The following MESD variants were observed in gnomAD, a reference collection of about 807,000 sequenced individuals.
MESD encodes LRP chaperone MESD.
Under a neutral mutation model 12.9 loss-of-function variants are expected in MESD, and 7 were observed. The ratio of observed to expected loss-of-function variants is 0.54; its 90% confidence interval spans 0.31 to 1.02. The LOEUF (loss-of-function observed/expected upper bound fraction) is 1.02. Among genes scored for constraint, MESD ranks in the 50% least tolerant of loss-of-function variants. MESD has a pLI of 0.05. For missense variants in MESD, 342 were observed against 296.7 expected (o/e 1.15, Z -1.12); for synonymous variants, 126 against 115.6 (o/e 1.09, Z -0.58).
chr15:80,952,317 G>A, intron 3 of MESD: 1 of 440,086 alleles, frequency 2.3e-6, no homozygotes, highest in Admixed American at 2.4e-5. Flanking sequence ...GAGAGTGAGA[G>A]GCAGAGGTTA....
chr15:80,948,715 GGC>G, exon 5 of MESD: 1 of 1,591,290 alleles, frequency 6.3e-7, no homozygotes, highest in Non-Finnish European at 8.6e-7. Flanking sequence ...GTGGGGGGCT[GGC>G]GATGGGGAGC....
intron 3 of MESD, among the ~76,000 whole-genome samples, chr15:80,962,275 C>A (rs1029141897): frequency 6.6e-6 from 1 of 152,142 alleles, no homozygotes. Context: ...GGAATCAATT[C>A]AACAAGAAGA....
intron 4 of MESD, chr15:80,949,456 G>C (rs1901724353): frequency 5.3e-6 from 1 of 189,278 alleles, no homozygotes; most frequent in Admixed American, 5.3e-5. Context: ...GCTATCCTTG[G>C]GGAAGAGGCA....
chr15:80,983,067 T>G (rs990701341), intron 1 of MESD, among the ~76,000 whole-genome samples: 8 of 151,752 alleles, frequency 5.3e-5, no homozygotes, highest in African/African-American at 1.9e-4. Flanking sequence ...CATAGTGAGA[T>G]CCCATCTCTT....
rs959427661 is a variant in MESD, at chr15:80,976,861, C to T, written c.*2358G>A. On this transcript the variant is annotated 3_prime_UTR_variant, in exon 3 of 3. Coordinates refer to ENST00000261758, the MANE Select transcript of MESD (RefSeq NM_015154.3). ...CAGTGAAACAGTGGTTCAAACCTCACCATCACCCTGCTGATGTAGGACACC... is the reference window on the plus strand; with the variant it reads ...CAGTGAAACAGTGGTTCAAACCTCATCATCACCCTGCTGATGTAGGACACC... 6.6e-6 allele frequency: 1 copy of T among 152,286 alleles called. No homozygotes were observed. The highest frequency in any genetic ancestry group is 1.5e-5 in the Non-Finnish European group (1 of 68,086). The allele number at this position is 152,286 out of a possible 1,614,324, so 9.4% of individuals were successfully genotyped here.
intron 3 of MESD, among the ~76,000 whole-genome samples, chr15:80,967,531 A>G (rs924190638): frequency 5.3e-5 from 8 of 152,196 alleles, no homozygotes; most frequent in Non-Finnish European, 1.0e-4. Context: ...AGGGAAAGCA[A>G]GTATGGCACT....
chr15:80,968,519 G>A (rs1199120320), intron 3 of MESD, among the ~76,000 whole-genome samples: 3 of 152,158 alleles, frequency 2.0e-5, no homozygotes, highest in Non-Finnish European at 4.4e-5. Flanking sequence ...AACATGTACT[G>A]AAAGCTCTGT....
rs543863971 is a variant in MESD at position 80,987,638 on chromosome 15, G to C, written c.213+1941C>G. Among the ~76,000 whole-genome samples the C allele has an allele frequency of 6.8e-4, 103 of 152,094 alleles. 1 individual carries two copies. The South Asian group carries it at 0.012, about 18-fold the overall frequency. ...CAAGTAGCTGGGATTACAGGTGCCC[G>C]CCACCATGCCCAACTAATTTTTTTA... On this transcript the variant is annotated intron_variant, in intron 1 of 2. Coordinates refer to ENST00000261758, the MANE Select transcript of MESD (RefSeq NM_015154.3).
chr15:80,984,755 T>A (rs750856713), intron 1 of MESD, among the ~76,000 whole-genome samples: 1 of 152,098 alleles, frequency 6.6e-6, no homozygotes, highest in Non-Finnish European at 1.5e-5. Flanking sequence ...GTGAATTGAA[T>A]CTCAATAAAC....
intron 1 of MESD, among the ~76,000 whole-genome samples, chr15:80,988,841 G>A (rs1279237850): frequency 6.6e-6 from 1 of 151,826 alleles, no homozygotes; most frequent in Non-Finnish European, 1.5e-5. Flanking sequence ...AATCACCTTA[G>A]GAAGGGGAAA....
At chr15:80,972,652 A>G (rs984192978), downstream of MESD, among the ~76,000 whole-genome samples, 3 of 152,234 alleles carry the variant, frequency 2.0e-5, no homozygotes, top group African/African-American at 7.2e-5. Flanking sequence ...GTTAAGTAGA[A>G]TTATGGCACA....
At chr15:80,956,139 G>A (rs1190608030) in intron 3 of MESD, among the ~76,000 whole-genome samples, 2 of 152,038 alleles carry the variant, frequency 1.3e-5, no homozygotes, top group South Asian at 2.1e-4. Flanking sequence ...GTGGTGAGCC[G>A]AGATCGCGCC....
chr15:80,947,423 G>C, exon 5 of MESD: 1 of 290,518 alleles, frequency 3.4e-6, no homozygotes, highest in South Asian at 3.9e-5. Flanking sequence ...GACTGGCCAG[G>C]GGTCCTGCAT....
intron 3 of MESD, among the ~76,000 whole-genome samples, chr15:80,968,217 G>A (rs907128251): frequency 6.6e-6 from 1 of 152,258 alleles, no homozygotes; most frequent in African/African-American, 2.4e-5. Flanking sequence ...GGGAACGGCA[G>A]ATGTTTCTGC....
intron 1 of MESD, among the ~76,000 whole-genome samples, chr15:80,982,670 T>C (rs1902612353): frequency 6.6e-6 from 1 of 152,134 alleles, no homozygotes. Context: ...GTGTTGCCTG[T>C]AGAAGGGGGG....
At chr15:80,980,864 G>A (rs1432786203) in intron 2 of MESD, among the ~76,000 whole-genome samples, 2 of 144,462 alleles carry the variant, frequency 1.4e-5, no homozygotes, top group African/African-American at 2.6e-5. Context: ...TTGCTCTGCC[G>A]CCAGGCTGGA....
At chr15:80,979,549 G>A in intron 2 of MESD, 72 bp from the exon 3 acceptor site, 2 of 1,504,196 alleles carry the variant, frequency 1.3e-6, no homozygotes, top group Non-Finnish European at 1.8e-6. Context: ...GCAATTCTCT[G>A]GCACTTATCA....
chr15:80,975,576 C>T (rs1237126147), downstream of MESD, among the ~76,000 whole-genome samples: 1 of 151,666 alleles, frequency 6.6e-6, no homozygotes, highest in Non-Finnish European at 1.5e-5. Context: ...TTTGTGAGTT[C>T]CTTTCCCTTG....
downstream of MESD, among the ~76,000 whole-genome samples, chr15:80,975,213 A>C (rs947665829): frequency 1.4e-4 from 20 of 147,128 alleles, no homozygotes; most frequent in Admixed American, 8.2e-4. Context: ...TTCTCCAAAA[A>C]AAAAAAACAA....
Sources: gnomAD v4.1 joint callset for allele counts (sites outside exome capture counted in the v4.1 genomes callset) on GRCh38, gnomAD v4.1.1 for gene constraint, MANE v1.5 for transcripts, NCBI Gene and HGNC (gene_info 2026-07-23, HGNC 2026-07-21) for gene names.